SGMS2: variants seen among roughly 807,000 people sequenced by gnomAD.
The protein encoded by SGMS2 is sphingomyelin synthase 2.
Under a neutral mutation model 43.8 loss-of-function variants are expected in SGMS2, and 21 were observed. The observed-to-expected ratio is 0.48, with a 90% CI of 0.34 to 0.69. The LOEUF is 0.69. Ranked by LOEUF, SGMS2 falls within the 30% of genes least tolerant of loss-of-function variation. The pLI, the probability that SGMS2 is intolerant of heterozygous loss-of-function variation, is 0.01. For synonymous variants in SGMS2, 167 were observed against 160.6 expected (o/e 1.04, Z -0.30); for missense variants, 384 against 443.2 (o/e 0.87, Z 1.20).
At chr4:107,875,603 C>T (rs1049912416) in intron 2 of SGMS2, among the ~76,000 whole-genome samples, 2 of 152,072 alleles carry the variant, frequency 1.3e-5, no homozygotes, top group African/African-American at 2.4e-5. Context: ...GTACAGCAAA[C>T]CCCCATGACA....
chr4:107,863,825 T>C (rs963129260), intron 2 of SGMS2: 1 of 152,242 alleles, frequency 6.6e-6, no homozygotes, highest in Non-Finnish European at 1.5e-5. Flanking sequence ...GTGACATATA[T>C]GGAAACCATA....
intron 2 of SGMS2, among the ~76,000 whole-genome samples, chr4:107,870,489 C>T (rs1728483946): frequency 6.6e-6 from 1 of 152,100 alleles, no homozygotes; most frequent in Admixed American, 6.6e-5. Flanking sequence ...GAGTTGTAAG[C>T]ATCTGCTTTT....
intron 6 of SGMS2, 117 bp from the exon 7 acceptor site, chr4:107,910,233 C>T (rs1364938667): frequency 3.6e-6 from 3 of 825,318 alleles, no homozygotes; most frequent in Admixed American, 2.4e-5. Context: ...ATCATTACTG[C>T]CATGTGATTC....
At chr4:107,852,132 G>A (rs758365882) in intron 1 of SGMS2, among the ~76,000 whole-genome samples, 18 of 151,436 alleles carry the variant, frequency 1.2e-4, no homozygotes, top group South Asian at 2.1e-4. Context: ...GCAGTGGCGC[G>A]ATCTCGGCTC....
At chr4:107,897,694 A>T (rs756435215) in intron 3 of SGMS2, among the ~76,000 whole-genome samples, 1 of 152,172 alleles carries the variant, frequency 6.6e-6, no homozygotes, top group Non-Finnish European at 1.5e-5. Flanking sequence ...ACATAGCCAG[A>T]CCATAAATTT....
intron 2 of SGMS2, among the ~76,000 whole-genome samples, chr4:107,868,140 C>T (rs1048152732): frequency 6.6e-6 from 1 of 152,020 alleles, no homozygotes; most frequent in African/African-American, 2.4e-5. Context: ...AAAATAACAA[C>T]AAAGCCACAA....
intron 2 of SGMS2, chr4:107,894,572 T>C (rs1730504400): frequency 6.6e-6 from 1 of 152,208 alleles, no homozygotes; most frequent in Non-Finnish European, 1.5e-5. Flanking sequence ...TACTAATTTA[T>C]CATGCCAATT....
At chr4:107,873,846 C>A (rs1728720227) in intron 2 of SGMS2, 1 of 152,024 alleles carries the variant, frequency 6.6e-6, no homozygotes, top group East Asian at 1.9e-4. Flanking sequence ...AGGATTGATC[C>A]CCCTGTAAGT....
At chr4:107,896,735 T>C (rs1489113585) in intron 3 of SGMS2, among the ~76,000 whole-genome samples, 2 of 152,188 alleles carry the variant, frequency 1.3e-5, no homozygotes, top group African/African-American at 2.4e-5. Context: ...ATAAGTCAGG[T>C]ACTTTTGCTT....
intron 1 of SGMS2, among the ~76,000 whole-genome samples, chr4:107,853,794 G>A (rs1727281869): frequency 6.6e-6 from 1 of 152,122 alleles, no homozygotes; most frequent in Admixed American, 6.6e-5. Flanking sequence ...ACAAATAACT[G>A]ACCAAAGTTA....
intron 1 of SGMS2, among the ~76,000 whole-genome samples, chr4:107,837,077 C>G (rs181030425): frequency 6.6e-6 from 1 of 152,204 alleles, no homozygotes; most frequent in African/African-American, 2.4e-5. Context: ...AAGCCCTCCT[C>G]CATTCCTTTG....
intron 2 of SGMS2, among the ~76,000 whole-genome samples, chr4:107,887,068 G>A (rs183658160): frequency 3.3e-5 from 5 of 152,266 alleles, no homozygotes; most frequent in African/African-American, 1.2e-4. Context: ...AACAAAAAAA[G>A]TTAAAAAGAT....
At chr4:107,881,213 A>G (rs1389175170) in intron 2 of SGMS2, among the ~76,000 whole-genome samples, 10 of 152,160 alleles carry the variant, frequency 6.6e-5, no homozygotes, top group Admixed American at 6.5e-4. Context: ...TATACCAGAT[A>G]ACAAACCTGT....
chr4:107,864,877 G>A (rs1344052944), intron 2 of SGMS2, among the ~76,000 whole-genome samples: 1 of 152,110 alleles, frequency 6.6e-6, no homozygotes, highest in African/African-American at 2.4e-5. Context: ...ATAAGTGTAT[G>A]TTGGTTTGGG....
chr4:107,860,747 A>G (rs2126031745), intron 2 of SGMS2, among the ~76,000 whole-genome samples: 1 of 151,712 alleles, frequency 6.6e-6, no homozygotes, highest in Non-Finnish European at 1.5e-5. Flanking sequence ...CTGGTTTCGA[A>G]CTCCTGACCT....
chr4:107,899,452 G>T, intron 3 of SGMS2, 123 bp from the exon 4 acceptor site: 1 of 635,476 alleles, frequency 1.6e-6, no homozygotes, highest in South Asian at 2.4e-5. Flanking sequence ...TGAAACTGTG[G>T]TTTGTTTGTT....
chr4:107,840,455 T>G (rs1029105705), intron 1 of SGMS2, among the ~76,000 whole-genome samples: 1 of 152,182 alleles, frequency 6.6e-6, no homozygotes, highest in African/African-American at 2.4e-5. Flanking sequence ...CACAATAGAT[T>G]TCTTCTCCTA....
At chr4:107,838,271 GT>G (rs1726306314) in intron 1 of SGMS2, among the ~76,000 whole-genome samples, 1 of 152,134 alleles carries the variant, frequency 6.6e-6, no homozygotes, top group African/African-American at 2.4e-5. Flanking sequence ...AGAACACAAT[GT>G]TTGTTGGGTT....
chr4:107,869,367 C>T (rs1728381184), intron 2 of SGMS2, among the ~76,000 whole-genome samples: 1 of 151,956 alleles, frequency 6.6e-6, no homozygotes, highest in South Asian at 2.1e-4. Context: ...TTACATAAAG[C>T]TTGATAAGAG....
Sources: gnomAD v4.1 joint callset for allele counts (sites outside exome capture counted in the v4.1 genomes callset) on GRCh38, gnomAD v4.1.1 for gene constraint, MANE v1.5 for transcripts, NCBI Gene and HGNC (gene_info 2026-07-23, HGNC 2026-07-21) for gene names.